The following TRABD2A variants were observed in gnomAD, a reference collection of about 807,000 sequenced individuals.
The protein encoded by TRABD2A is TraB domain containing 2A, also known as metalloprotease TIKI1.
Under a neutral mutation model 45.6 loss-of-function variants are expected in TRABD2A, and 43 were observed. The ratio of observed to expected loss-of-function variants is 0.94; its 90% CI spans 0.74 to 1.22. The LOEUF (loss-of-function observed/expected upper bound fraction) is 1.22, where lower values mean the gene tolerates loss of function less well. Among genes scored for constraint, TRABD2A ranks in the 50% most tolerant of loss-of-function variants. The probability of loss-of-function intolerance (pLI) is 0.00; values close to 1 mark genes in which losing one functional copy is unlikely to be tolerated. For missense variants in TRABD2A, 642 were observed against 652.4 expected (o/e 0.98, Z 0.17); for synonymous variants, 269 against 265.0 (o/e 1.02, Z -0.15).
chr2:84,847,165 C>T (rs1681925002), intron 2 of TRABD2A, among the ~76,000 whole-genome samples: 1 of 152,222 alleles, frequency 6.6e-6, no homozygotes, highest in East Asian at 1.9e-4. Flanking sequence ...GGGAAATCTC[C>T]ATGGGCACCA....
intron 2 of TRABD2A, among the ~76,000 whole-genome samples, chr2:84,847,007 G>A (rs1024455570): frequency 6.6e-6 from 1 of 152,238 alleles, no homozygotes; most frequent in African/African-American, 2.4e-5. Flanking sequence ...GGCTGCCCTG[G>A]AGGGAAGCTG....
chr2:84,825,807 G>C (rs924690113), intron 5 of TRABD2A, among the ~76,000 whole-genome samples: 1 of 152,126 alleles, frequency 6.6e-6, no homozygotes, highest in African/African-American at 2.4e-5. Flanking sequence ...CATCCTCTCA[G>C]ATTAGCAGGG....
chr2:84,855,014 C>G (rs1034291820), intron 2 of TRABD2A, among the ~76,000 whole-genome samples: 8 of 152,154 alleles, frequency 5.3e-5, no homozygotes, highest in Admixed American at 3.9e-4. Context: ...CTATGTAGGA[C>G]ATGATTCCAC....
At position 84,821,954 on chromosome 2, in the gene TRABD2A, A is replaced by G; in HGVS notation, c.1481T>C (p.Leu494Pro). 6.2e-7 allele frequency: 1 copy of G among 1,605,096 alleles called. No homozygotes were observed. The highest frequency in any genetic ancestry group is 8.5e-7 in the Non-Finnish European group (1 of 1,175,840). The change falls in exon 7 of 7, where the codon CTG becomes CCG. Residue 494 changes from leucine (L) to proline (P), a missense_variant. Transcript: ENST00000409520. ...LSLWTPVFWV[L>P]VLAFQTETPL... ...TGTCTCTGTTTGGAAAGCCAGCACC[A>G]GCACCCAGAACACAGGAGTCCAGAG... is the stretch of plus-strand genomic sequence containing the variant.
chr2:84,858,816 G>A (rs1282385830), intron 2 of TRABD2A, among the ~76,000 whole-genome samples: 1 of 152,236 alleles, frequency 6.6e-6, no homozygotes, highest in Non-Finnish European at 1.5e-5. Context: ...TCAAACTCCA[G>A]TGGAACCATG....
chr2:84,880,805 G>T, intron 1 of TRABD2A, 127 bp downstream of exon 1: 2 of 1,394,958 alleles, frequency 1.4e-6, no homozygotes, highest in Non-Finnish European at 1.9e-6. Flanking sequence ...GCGCCGCGGT[G>T]CTAGGTGAAA....
chr2:84,877,205 G>T (rs1045009803), intron 1 of TRABD2A, among the ~76,000 whole-genome samples: 4 of 151,666 alleles, frequency 2.6e-5, no homozygotes, highest in Non-Finnish European at 5.9e-5. Context: ...GCCCACTGGC[G>T]AGCCCCCGGA....
chr2:84,824,201 C>T lies in TRABD2A; in HGVS notation c.1086G>A (p.Gly362=). ...GCCGTGTGGAGGTCTTTTTACTCTTCCCTCTGTACGCAAGTGGAAGGAGAA... is the reference window on the plus strand; with the variant it reads ...GCCGTGTGGAGGTCTTTTTACTCTTTCCTCTGTACGCAAGTGGAAGGAGAA... ...HAPAGRPIHK[G]KSKKTSTRPT... is the part of the protein sequence containing the mutation. Residue 362 remains glycine, a synonymous_variant, in exon 6 of 7, where the codon GGG becomes GGA. Coordinates refer to ENST00000409520, the MANE Select transcript of TRABD2A (RefSeq NM_001277053.2). 6.2e-7 allele frequency: 1 copy of T among 1,613,856 alleles called. No homozygotes were observed. Among genetic ancestry groups the T allele is most frequent in the Non-Finnish European group, 8.5e-7 (1 of 1,179,850 alleles).
intron 2 of TRABD2A, among the ~76,000 whole-genome samples, chr2:84,863,391 C>T (rs11695906): frequency 0.024 from 3,666 of 150,730 alleles, 74 homozygotes; most frequent in South Asian, 0.052. Flanking sequence ...ACTACAGGCG[C>T]CAGCCATCAC....
intron 2 of TRABD2A, among the ~76,000 whole-genome samples, chr2:84,844,781 A>T (rs557585405): frequency 6.6e-6 from 1 of 152,210 alleles, no homozygotes; most frequent in Non-Finnish European, 1.5e-5. Flanking sequence ...CAAGTCCCAC[A>T]TATTCTGTCT....
Position 84,841,872 on chromosome 2 carries a change from C to T in TRABD2A, c.805G>A (p.Asp269Asn). ...GDLSSVILSH[D>N]SSQVPNFINA... ...GAAAGGGTGCTCACCTGGGAGCTGT[C>T]ATGGCTGAGGATGACGGAGCTGAGG... is the stretch of plus-strand genomic sequence containing the variant. Residue 269 changes from aspartate (D) to asparagine (N), a missense_variant, in exon 3 of 7, where the codon GAC becomes AAC. Physicochemically the swap from Asp to Asn is conservative, Grantham distance 23. Coordinates refer to ENST00000409520, the MANE Select transcript of TRABD2A (RefSeq NM_001277053.2). 6.5e-7 allele frequency: 1 copy of T among 1,535,734 alleles called. No individual in the cohort carries two copies. The highest frequency in any genetic ancestry group is 1.2e-5 in the South Asian group (1 of 81,536).
At chr2:84,852,852 A>G (rs1346430248) in intron 2 of TRABD2A, among the ~76,000 whole-genome samples, 1 of 152,208 alleles carries the variant, frequency 6.6e-6, no homozygotes, top group Non-Finnish European at 1.5e-5. Context: ...AAAGAAGAAT[A>G]GATCTCCCAA....
At position 84,830,114 on chromosome 2, in the gene TRABD2A, G is replaced by T. The variant is rs1033981759; in HGVS notation, c.1082+1941C>A. On this transcript the variant is annotated intron_variant, in intron 5 of 6. Transcript: ENST00000409520. The surrounding 1 kb of genome is among the most constrained non-coding windows in gnomAD (Gnocchi z 4.9). ...AACCCCAGGCCAGTCAGCCCAGCGG[G>T]AAGAGCTGAGAAGGGACCAGAGGCC... is the stretch of plus-strand genomic sequence containing the variant. Among the ~76,000 whole-genome samples, 6 of 152,184 alleles carry T rather than the reference G, an allele frequency of 3.9e-5. No homozygotes were observed. The highest frequency in any genetic ancestry group is 1.4e-4 in the African/African-American group (6 of 41,434).
rs116532400 is a variant in TRABD2A at position 84,824,212 on chromosome 2, C to G, written c.1083-8G>C. ...GTCTTTTTACTCTTCCCTCTGTACGCAAGTGGAAGGAGAAGGTATTTGGAG... is the reference window on the plus strand; with the variant it reads ...GTCTTTTTACTCTTCCCTCTGTACGGAAGTGGAAGGAGAAGGTATTTGGAG... On this transcript the variant is annotated splice_polypyrimidine_tract_variant and splice_region_variant and intron_variant, in intron 5 of 6. Transcript: ENST00000409520. The G allele has an allele frequency of 0.034, 54,201 of 1,613,552 alleles. 1,129 individuals carry two copies. The highest frequency in any genetic ancestry group is 0.061 in the South Asian group (5,589 of 90,980).
At chr2:84,870,087 T>A (rs923800357) in intron 2 of TRABD2A, 138 bp downstream of exon 2, 40 of 891,934 alleles carry the variant, frequency 4.5e-5, no homozygotes, top group Non-Finnish European at 6.3e-5. Flanking sequence ...GCTTTTTTTT[T>A]AACCCCCGGA....
At chr2:84,846,291 T>G (rs1681893694) in intron 2 of TRABD2A, among the ~76,000 whole-genome samples, 1 of 152,212 alleles carries the variant, frequency 6.6e-6, no homozygotes, top group African/African-American at 2.4e-5. Flanking sequence ...CACACGCCTT[T>G]CCTTTCAGAG....
At chr2:84,851,819 A>G (rs1209234842) in intron 2 of TRABD2A, among the ~76,000 whole-genome samples, 1 of 152,252 alleles carries the variant, frequency 6.6e-6, no homozygotes, top group African/African-American at 2.4e-5. Flanking sequence ...GGGGCTGTTC[A>G]GTCAAAATTG....
chr2:84,856,339 A>G (rs1682303910), intron 2 of TRABD2A, among the ~76,000 whole-genome samples: 2 of 152,068 alleles, frequency 1.3e-5, no homozygotes, highest in South Asian at 2.1e-4. Flanking sequence ...AAAAGGGACT[A>G]TTCCCTTGGA....
chr2:84,823,594 C>T (rs1385924903), intron 6 of TRABD2A, among the ~76,000 whole-genome samples: 1 of 152,184 alleles, frequency 6.6e-6, no homozygotes, highest in Non-Finnish European at 1.5e-5. Flanking sequence ...TCCTACCGAG[C>T]TGCTTCCAGC....
Sources: allele counts gnomAD v4.1 joint callset (sites outside exome capture counted in the v4.1 genomes callset), GRCh38; gene constraint gnomAD v4.1.1; non-coding constraint Gnocchi (gnomAD v3.1); transcripts MANE v1.5; gene names NCBI Gene and HGNC (gene_info 2026-07-23, HGNC 2026-07-21).